VPS50: variants seen among roughly 807,000 people sequenced by gnomAD.
VPS50 encodes syndetin.
VPS50 carries 70 observed loss-of-function variants against 139.7 expected under a neutral mutation model. The ratio of observed to expected loss-of-function variants is 0.50; its 90% CI spans 0.41 to 0.61. VPS50 has a LOEUF of 0.61. VPS50 is among the 20% of genes least tolerant of loss of function. VPS50 has a pLI of 0.00. For missense variants in VPS50, 921 were observed against 1,133.7 expected, an observed-to-expected ratio of 0.81 and a Z score of 2.69; for synonymous variants, 365 against 376.7, an observed-to-expected ratio of 0.97 and a Z score of 0.36.
chr7:93,260,564 C>T (rs910359752), intron 9 of VPS50, among the ~76,000 whole-genome samples: 1 of 150,970 alleles, frequency 6.6e-6, no homozygotes, highest in Non-Finnish European at 1.5e-5. Flanking sequence ...TCTCATATTA[C>T]AAGTCTTTGC....
chr7:93,232,522 A>G, intron 1 of VPS50, 22 bp downstream of exon 1: 1 of 1,608,054 alleles, frequency 6.2e-7, no homozygotes, highest in Non-Finnish European at 8.5e-7. Flanking sequence ...CGGCTGAAGC[A>G]AAGGCTTCCT....
At chr7:93,241,860 T>A (rs1320062799) in intron 2 of VPS50, among the ~76,000 whole-genome samples, 3 of 152,076 alleles carry the variant, frequency 2.0e-5, no homozygotes, top group Non-Finnish European at 4.4e-5. Flanking sequence ...AATGATTTAT[T>A]TTTGTATAAT....
At chr7:93,346,269 G>T (rs1340769801) in intron 23 of VPS50, among the ~76,000 whole-genome samples, 1 of 152,258 alleles carries the variant, frequency 6.6e-6, no homozygotes, top group Non-Finnish European at 1.5e-5. Context: ...ACTTACAAGG[G>T]ATGTGAAGGA....
chr7:93,267,077 A>C (rs1384540875), intron 9 of VPS50, among the ~76,000 whole-genome samples: 5 of 152,256 alleles, frequency 3.3e-5, no homozygotes, highest in Non-Finnish European at 7.3e-5. Flanking sequence ...TCATAAACCA[A>C]CACTAAAGCC....
chr7:93,344,923 A>G, intron 23 of VPS50, among the ~76,000 whole-genome samples: 1 of 152,168 alleles, frequency 6.6e-6, no homozygotes, highest in South Asian at 2.1e-4. Flanking sequence ...AAACAACTAG[A>G]AAAGCAAGAG....
chr7:93,315,730 T>C (rs2117001687), intron 20 of VPS50, among the ~76,000 whole-genome samples: 1 of 152,340 alleles, frequency 6.6e-6, no homozygotes, highest in African/African-American at 2.4e-5. Context: ...TCATATCCAC[T>C]GCTCATTTTT....
At chr7:93,318,080 T>C (rs898944356) in intron 20 of VPS50, among the ~76,000 whole-genome samples, 1 of 151,236 alleles carries the variant, frequency 6.6e-6, no homozygotes, top group African/African-American at 2.4e-5. Flanking sequence ...TGATATATTA[T>C]ATAATACATA....
intron 9 of VPS50, among the ~76,000 whole-genome samples, chr7:93,265,557 C>T (rs1357606293): frequency 1.3e-5 from 2 of 151,864 alleles, no homozygotes; most frequent in African/African-American, 4.8e-5. Context: ...TAGATTAGGT[C>T]AGGGATTTCT....
intron 23 of VPS50, 64 bp downstream of exon 23, chr7:93,341,639 G>C (rs1214858393): frequency 1.8e-6 from 2 of 1,118,778 alleles, no homozygotes; most frequent in East Asian, 5.0e-5. Flanking sequence ...AAGAAGCATT[G>C]TTTAATTAGA....
chr7:93,250,893 C>G (rs945705721), intron 2 of VPS50, among the ~76,000 whole-genome samples: 1 of 152,036 alleles, frequency 6.6e-6, no homozygotes, highest in Non-Finnish European at 1.5e-5. Context: ...TATAAACAGA[C>G]ACTTCTCAAA....
In VPS50 at chr7:93,323,633, C is replaced by T; in HGVS notation, c.1878C>T (p.Asn626=). 7.6e-7 allele frequency: 1 copy of T among 1,312,108 alleles called. No homozygotes were observed. The highest frequency in any genetic ancestry group is 1.5e-5 in the African/African-American group (1 of 65,540). 81.3% of individuals were successfully genotyped at this position (1,312,108 alleles called of 1,614,324 possible). ...CAGGAAAATATATGCAGATGATGAA[C>T]ATTCTTAAGCCAATTGCCTTTGATG... The part of the protein sequence containing the change: ...RLVGKYMQMM[N]ILKPIAFDVI... The change falls in exon 21 of 28, where the codon AAC becomes AAT. Residue 626 remains asparagine (N), a synonymous_variant. Coordinates refer to ENST00000305866, the MANE Select transcript of VPS50 (RefSeq NM_017667.4).
intron 8 of VPS50, 56 bp from the exon 9 acceptor site, chr7:93,259,494 G>T: frequency 3.4e-6 from 3 of 878,034 alleles, no homozygotes; most frequent in South Asian, 1.5e-5. Context: ...TTTTTTATCA[G>T]GGGCTTTAAG....
At chr7:93,270,249 G>C (rs1025270585) in intron 9 of VPS50, among the ~76,000 whole-genome samples, 9 of 151,734 alleles carry the variant, frequency 5.9e-5, no homozygotes, top group Non-Finnish European at 1.5e-5. Flanking sequence ...TTACCACCTA[G>C]AAGTAGAAAC....
intron 2 of VPS50, among the ~76,000 whole-genome samples, chr7:93,242,804 T>C (rs1456714590): frequency 6.6e-6 from 1 of 151,844 alleles, no homozygotes. Flanking sequence ...ATAGGTTAGT[T>C]TGGGTTCTGT....
chr7:93,357,762 C>A (rs1049742109), intron 27 of VPS50, among the ~76,000 whole-genome samples: 2 of 152,188 alleles, frequency 1.3e-5, no homozygotes, highest in African/African-American at 4.8e-5. Context: ...AATTCAGGAA[C>A]CAGATGGATT....
chr7:93,250,609 A>G (rs554648491), intron 2 of VPS50, among the ~76,000 whole-genome samples: 2 of 152,310 alleles, frequency 1.3e-5, no homozygotes, highest in East Asian at 1.9e-4. Context: ...AAACCTAGGC[A>G]ATACCATTCA....
At chr7:93,328,471 G>A (rs931342337) in intron 21 of VPS50, among the ~76,000 whole-genome samples, 7 of 152,042 alleles carry the variant, frequency 4.6e-5, no homozygotes, top group African/African-American at 7.2e-5. Flanking sequence ...TTCCAATTCC[G>A]GGTATGACAG....
Position 93,305,855 on chromosome 7 carries a change from T to TC in VPS50, c.1484dup (p.Ser496IlefsTer5). On this transcript the variant is annotated frameshift_variant, in exon 18 of 28. Transcript: ENST00000305866. LOFTEE classifies it high-confidence loss of function. ...ATTTAAATTCATGGAACAGTCTCGCTCCCCATCAGTTTCACCTAGTAAACA... is the reference window on the plus strand; with the variant it reads ...ATTTAAATTCATGGAACAGTCTCGCTCCCCCATCAGTTTCACCTAGTAAACA... 6.2e-7 allele frequency: 1 copy of TC among 1,612,532 alleles called. No individual in the cohort carries two copies. The highest frequency in any genetic ancestry group is 8.5e-7 in the Non-Finnish European group (1 of 1,178,808).
intron 9 of VPS50, among the ~76,000 whole-genome samples, chr7:93,264,971 C>T (rs1233519965): frequency 2.6e-5 from 4 of 152,106 alleles, no homozygotes; most frequent in Non-Finnish European, 5.9e-5. Context: ...TTCTCTGCCT[C>T]CCTCTGCCAT....
Sources: allele counts gnomAD v4.1 joint callset (sites outside exome capture counted in the v4.1 genomes callset), GRCh38; gene constraint gnomAD v4.1.1; transcripts MANE v1.5; gene names NCBI Gene and HGNC (gene_info 2026-07-23, HGNC 2026-07-21).